The following DENND2D variants were observed in gnomAD, a reference collection of about 807,000 sequenced individuals.
DENND2D encodes the protein DENN domain containing 2D.
A neutral mutation model predicts 59.8 loss-of-function variants in DENND2D; 37 were observed. That is an observed-to-expected ratio of 0.62 (90% CI 0.48 to 0.81). DENND2D has a LOEUF of 0.81. Ranked by LOEUF, DENND2D falls within the 40% of genes least tolerant of loss-of-function variation. DENND2D has a pLI of 0.00. For synonymous variants in DENND2D, 219 were observed against 211.3 expected (o/e 1.04, Z -0.31); for missense variants, 525 against 579.7 (o/e 0.91, Z 0.97).
At chr1:111,204,372 C>T (rs758394499), upstream of DENND2D, 1 of 1,409,560 alleles carries the variant, frequency 7.1e-7, no homozygotes, top group South Asian at 1.5e-5. Flanking sequence ...GAGTGCCCGG[C>T]TCCCGCTCCC....
chr1:111,190,503 A>G (rs914860429), intron 8 of DENND2D, among the ~76,000 whole-genome samples: 5 of 152,228 alleles, frequency 3.3e-5, no homozygotes, highest in African/African-American at 1.2e-4. Flanking sequence ...ACTATCTCAC[A>G]TAAAGTTTGG....
chr1:111,194,464 G>A, intron 7 of DENND2D, 114 bp downstream of exon 7: 1 of 1,233,934 alleles, frequency 8.1e-7, no homozygotes, highest in Non-Finnish European at 1.1e-6. Flanking sequence ...GCTAGAAACA[G>A]GAGGGTGGGC....
chr1:111,190,453 A>G (rs1657671016), intron 8 of DENND2D, among the ~76,000 whole-genome samples: 1 of 152,184 alleles, frequency 6.6e-6, no homozygotes, highest in Non-Finnish European at 1.5e-5. Context: ...TCTTCACAGT[A>G]TTTTTAAGTA....
At chr1:111,198,493 G>T in intron 3 of DENND2D, 137 bp downstream of exon 3, 2 of 812,824 alleles carry the variant, frequency 2.5e-6, no homozygotes, top group Non-Finnish European at 2.0e-6. Context: ...CAGGCCAGAT[G>T]TTTTCAAACA....
At chr1:111,191,390 C>T (rs1409839573) in intron 8 of DENND2D, among the ~76,000 whole-genome samples, 4 of 152,184 alleles carry the variant, frequency 2.6e-5, no homozygotes, top group Non-Finnish European at 5.9e-5. Context: ...ATGGCCAGGG[C>T]AGACATTCCC....
intron 8 of DENND2D, among the ~76,000 whole-genome samples, chr1:111,189,601 A>G (rs1317584118): frequency 2.0e-5 from 3 of 152,246 alleles, no homozygotes; most frequent in Admixed American, 2.0e-4. Flanking sequence ...CATTGTTCAC[A>G]TAAGTGCTTT....
At chr1:111,197,789 T>C (rs1014064359) in intron 4 of DENND2D, 131 bp downstream of exon 4, 33 of 1,495,350 alleles carry the variant, frequency 2.2e-5, no homozygotes, top group Non-Finnish European at 2.8e-5. Context: ...TGGCAGCAGG[T>C]CCTGGGCTGT....
chr1:111,200,746 C>G (rs1484683322), upstream of DENND2D: 1 of 1,225,894 alleles, frequency 8.2e-7, no homozygotes, highest in Admixed American at 3.5e-5. Flanking sequence ...CAGGGTGTGG[C>G]GAGAGAAAAG....
Position 111,200,507 on chromosome 1 carries a change from C to A in DENND2D, c.-48G>T, listed in dbSNP as rs1026812587. 3.2e-6 allele frequency: 5 copies of A among 1,572,320 alleles called. No homozygotes were observed. Among genetic ancestry groups the A allele is most frequent in the Middle Eastern group, 1.7e-4 (1 of 5,916 alleles). On this transcript the variant is annotated 5_prime_UTR_variant, in exon 1 of 12. Transcript: ENST00000357640. ...GGACTCCCCTCTCCCCTAACACAGACAGACTGGTGACAGTAAGCCTGAGAA... is the reference window on the plus strand; with the variant it reads ...GGACTCCCCTCTCCCCTAACACAGAAAGACTGGTGACAGTAAGCCTGAGAA...
chr1:111,200,285 T>C (rs1658671791), intron 1 of DENND2D, 108 bp downstream of exon 1: 10 of 1,459,542 alleles, frequency 6.9e-6, no homozygotes, highest in Non-Finnish European at 7.5e-6. Flanking sequence ...GGGAACCATG[T>C]GGAGGCCGAG....
In DENND2D at chr1:111,200,604, A is replaced by G. The variant is rs1183569503; in HGVS notation, c.-145T>C. Reference sequence around the variant, plus strand: ...GCGCTGTCTTCCAGAGAGGGAATAGAAGTTTCCATCCTGTGCACCCAGTGG... The same window carrying G: ...GCGCTGTCTTCCAGAGAGGGAATAGGAGTTTCCATCCTGTGCACCCAGTGG... On this transcript the variant is annotated 5_prime_UTR_variant, in exon 1 of 12. Coordinates refer to ENST00000357640, the MANE Select transcript of DENND2D (RefSeq NM_024901.5). The G allele has an allele frequency of 6.8e-7, 1 of 1,467,210 alleles. No homozygotes were observed. The highest frequency in any genetic ancestry group is 1.4e-5 in the African/African-American group (1 of 71,284). The allele number at this position is 1,467,210 out of a possible 1,614,324, so 90.9% of individuals were successfully genotyped here. A position where few individuals can be genotyped will look rare whatever the true frequency, so the allele number is the denominator to read the frequency against.
At chr1:111,197,872 A>T in intron 4 of DENND2D, 48 bp downstream of exon 4, 1 of 1,612,136 alleles carries the variant, frequency 6.2e-7, no homozygotes, top group Non-Finnish European at 8.5e-7. Flanking sequence ...CCAGCCGTGG[A>T]GCTGAGCAGA....
intron 8 of DENND2D, among the ~76,000 whole-genome samples, chr1:111,190,945 G>A (rs948622417): frequency 6.6e-6 from 1 of 152,166 alleles, no homozygotes; most frequent in African/African-American, 2.4e-5. Context: ...TGTTTTTCAA[G>A]ATTGTTCCCA....
At chr1:111,189,283 G>A (rs764972249) in intron 8 of DENND2D, 30 bp from the exon 9 acceptor site, 3 of 1,613,462 alleles carry the variant, frequency 1.9e-6, no homozygotes, top group Non-Finnish European at 2.5e-6. Flanking sequence ...GCTTTCTCTG[G>A]TCCTCTTTCT....
intron 7 of DENND2D, among the ~76,000 whole-genome samples, chr1:111,194,346 C>G (rs1054940197): frequency 2.0e-5 from 3 of 152,214 alleles, no homozygotes; most frequent in African/African-American, 7.2e-5. Flanking sequence ...TGTCCTTCCC[C>G]AAGCTAAGTC....
Position 111,199,708 on chromosome 1 carries a change from A to G in DENND2D, c.158T>C (p.Phe53Ser). The G allele has an allele frequency of 6.2e-7, 1 of 1,614,126 alleles. No homozygotes were observed. The highest frequency in any genetic ancestry group is 1.7e-5 in the Admixed American group (1 of 60,026). Reference sequence around the variant, plus strand: ...AGAAACCACAAGAAGGTATTCAAAGAAGTGCTGCCCCCCAGCAAAGTTGGG... The same window carrying G: ...AGAAACCACAAGAAGGTATTCAAAGGAGTGCTGCCCCCCAGCAAAGTTGGG... ...SLPNFAGGQH[F>S]FEYLLVVSLK... Residue 53 changes from phenylalanine (F) to serine (S), a missense_variant, in exon 2 of 12, where the codon TTC becomes TCC. Phe to Ser is a radical substitution (Grantham distance 155). This residue lies in a region of DENND2D where 253 missense variants were observed against 246.4 expected (regional missense o/e 1.03). Transcript: ENST00000357640.
intron 2 of DENND2D, among the ~76,000 whole-genome samples, chr1:111,199,236 G>C (rs1055584947): frequency 1.3e-5 from 2 of 152,090 alleles, no homozygotes; most frequent in Non-Finnish European, 2.9e-5. Context: ...TTACAAGGCT[G>C]CCCCACTCTT....
chr1:111,200,835 G>T, upstream of DENND2D: 1 of 519,974 alleles, frequency 1.9e-6, no homozygotes, highest in Non-Finnish European at 2.9e-6. Flanking sequence ...AATCTGGGCT[G>T]CAGATTGTGC....
upstream of DENND2D, chr1:111,200,649 C>T (rs1310621613): frequency 1.5e-5 from 20 of 1,375,910 alleles, no homozygotes; most frequent in South Asian, 4.2e-5. Flanking sequence ...AAGGATGTGA[C>T]GGGACCCAGG....
Sources: allele counts gnomAD v4.1 joint callset (sites outside exome capture counted in the v4.1 genomes callset), GRCh38; gene constraint gnomAD v4.1.1; regional missense constraint gnomAD v4.1.1; transcripts MANE v1.5; gene names NCBI Gene and HGNC (gene_info 2026-07-23, HGNC 2026-07-21).